Variants in RABGAP1L observed in about 807,000 individuals in gnomAD.
RABGAP1L encodes the protein rab GTPase-activating protein 1-like.
RABGAP1L carries 63 observed loss-of-function variants against 137.7 expected under a neutral mutation model. The ratio of observed to expected loss-of-function variants is 0.46; its 90% CI spans 0.37 to 0.56. The LOEUF is 0.56. Ranked by LOEUF, RABGAP1L falls within the 20% of genes least tolerant of loss-of-function variation. The pLI is 0.00. For missense variants in RABGAP1L, 1,095 were observed against 1,244.0 expected (o/e 0.88, Z 1.80); for synonymous variants, 431 against 433.7 (o/e 0.99, Z 0.08).
At chr1:174,925,156 T>G (rs6671272) in intron 19 of RABGAP1L, among the ~76,000 whole-genome samples, 55,627 of 151,204 alleles carry the variant, frequency 0.37, 13,317 homozygotes, top group African/African-American at 0.69. Flanking sequence ...ACAAGGTCAG[T>G]AGATTGAGAC....
chr1:174,748,493 G>GAC, intron 17 of RABGAP1L, among the ~76,000 whole-genome samples: 1 of 152,232 alleles, frequency 6.6e-6, no homozygotes, highest in African/African-American at 2.4e-5. Context: ...CATGATCCAT[G>GAC]ACACAGCCTC....
intron 1 of RABGAP1L, among the ~76,000 whole-genome samples, chr1:174,172,174 C>T (rs1665451603): frequency 1.0e-5 from 1 of 96,186 alleles, no homozygotes. Context: ...AATAATATTC[C>T]CTTGTGTGTG....
chr1:174,890,493 A>G (rs1655946191), intron 19 of RABGAP1L, among the ~76,000 whole-genome samples: 1 of 152,218 alleles, frequency 6.6e-6, no homozygotes. Flanking sequence ...TTTCATAAAG[A>G]TGTAGACACT....
chr1:174,782,219 G>A (rs556899869), intron 18 of RABGAP1L, among the ~76,000 whole-genome samples: 36 of 152,210 alleles, frequency 2.4e-4, no homozygotes, highest in African/African-American at 7.9e-4. Context: ...TCCTCCATTC[G>A]TTTGTGCCCT....
chr1:174,802,993 T>C (rs1487465778), intron 18 of RABGAP1L, among the ~76,000 whole-genome samples: 1 of 152,234 alleles, frequency 6.6e-6, no homozygotes, highest in Non-Finnish European at 1.5e-5. Flanking sequence ...TAGTCATGTT[T>C]CAAACATGAA....
chr1:174,163,257 A>G (rs1042029185), intron 1 of RABGAP1L, among the ~76,000 whole-genome samples: 5 of 152,220 alleles, frequency 3.3e-5, no homozygotes, highest in Admixed American at 3.3e-4. Context: ...TGAATTGGGT[A>G]TAAGTATGTG....
At chr1:174,219,494 A>C (rs1022569657) in intron 2 of RABGAP1L, among the ~76,000 whole-genome samples, 199 bp downstream of exon 2, 30 of 152,064 alleles carry the variant, frequency 2.0e-4, no homozygotes, top group African/African-American at 7.0e-4. Context: ...TTGATTTGGA[A>C]TTTTAGGGGG....
At chr1:174,492,605 C>G (rs961726999) in intron 13 of RABGAP1L, among the ~76,000 whole-genome samples, 1 of 152,122 alleles carries the variant, frequency 6.6e-6, no homozygotes, top group Admixed American at 6.5e-5. Flanking sequence ...CTGCCTCAGC[C>G]TCCCAAAGTG....
chr1:174,257,564 T>C (rs986123581), intron 7 of RABGAP1L, among the ~76,000 whole-genome samples: 12 of 152,188 alleles, frequency 7.9e-5, no homozygotes, highest in African/African-American at 2.9e-4. Context: ...TTTATCAGAC[T>C]CTCATAATCT....
At chr1:174,781,949 T>C (rs1433180121) in intron 18 of RABGAP1L, among the ~76,000 whole-genome samples, 6 of 152,260 alleles carry the variant, frequency 3.9e-5, no homozygotes, top group Non-Finnish European at 8.8e-5. Flanking sequence ...ACCAGTACCA[T>C]GCTGTTTTGG....
intron 13 of RABGAP1L, among the ~76,000 whole-genome samples, chr1:174,613,799 T>A (rs940754484): frequency 6.6e-5 from 10 of 152,362 alleles, no homozygotes; most frequent in Admixed American, 6.5e-5. Flanking sequence ...TTGATCCCTT[T>A]ACCATTATGT....
At chr1:174,355,954 T>G (rs1046546492) in intron 11 of RABGAP1L, among the ~76,000 whole-genome samples, 26 of 152,332 alleles carry the variant, frequency 1.7e-4, no homozygotes, top group African/African-American at 5.3e-4. Flanking sequence ...TTGTGTTAGC[T>G]TTAATGGTTT....
chr1:174,627,295 A>T (rs766296834), intron 13 of RABGAP1L, among the ~76,000 whole-genome samples: 1 of 152,222 alleles, frequency 6.6e-6, no homozygotes, highest in Non-Finnish European at 1.5e-5. Flanking sequence ...TTGACAGCCC[A>T]GAAATTGGTC....
At chr1:174,485,264 G>A (rs1023997678) in intron 13 of RABGAP1L, among the ~76,000 whole-genome samples, 4 of 152,118 alleles carry the variant, frequency 2.6e-5, no homozygotes, top group Non-Finnish European at 5.9e-5. Context: ...TTTTTCAAAT[G>A]TAAGATTATA....
chr1:174,426,087 C>T (rs1230726571), intron 13 of RABGAP1L, among the ~76,000 whole-genome samples: 1 of 152,018 alleles, frequency 6.6e-6, no homozygotes, highest in African/African-American at 2.4e-5. Flanking sequence ...GAAATACTGC[C>T]TATTTAATAC....
intron 19 of RABGAP1L, among the ~76,000 whole-genome samples, chr1:174,829,974 T>G (rs1352797024): frequency 6.7e-6 from 1 of 148,220 alleles, no homozygotes; most frequent in Non-Finnish European, 1.5e-5. Flanking sequence ...CAACAATATT[T>G]TTCGTGATTC....
chr1:174,513,970 G>A (rs1013387490), intron 13 of RABGAP1L, among the ~76,000 whole-genome samples: 16 of 152,102 alleles, frequency 1.1e-4, no homozygotes, highest in African/African-American at 3.6e-4. Flanking sequence ...TGTCATGAAA[G>A]TCAAGAGGAG....
chr1:174,492,885 T>A (rs1660398059), intron 13 of RABGAP1L, among the ~76,000 whole-genome samples: 1 of 152,004 alleles, frequency 6.6e-6, no homozygotes. Flanking sequence ...TCCATATGTA[T>A]AAGCAGGTAT....
chr1:174,376,852 G>A (rs753978019), intron 12 of RABGAP1L, among the ~76,000 whole-genome samples: 28 of 152,046 alleles, frequency 1.8e-4, no homozygotes, highest in Non-Finnish European at 3.1e-4. Context: ...CTTAGCAAGT[G>A]TAACAGGCAA....
Sources: allele counts gnomAD v4.1 joint callset (sites outside exome capture counted in the v4.1 genomes callset), GRCh38; gene constraint gnomAD v4.1.1; transcripts MANE v1.5; gene names NCBI Gene and HGNC (gene_info 2026-07-23, HGNC 2026-07-21).